IMMT: variants seen among roughly 807,000 people sequenced by gnomAD.
IMMT encodes the protein MICOS complex subunit MIC60.
Under a neutral mutation model 92.7 loss-of-function variants are expected in IMMT, and 40 were observed. The observed-to-expected ratio is 0.43, with a 90% CI of 0.34 to 0.56. The LOEUF (loss-of-function observed/expected upper bound fraction) is 0.56, where lower values mean the gene tolerates loss of function less well. Among genes scored for constraint, IMMT ranks in the 20% least tolerant of loss-of-function variants. The probability of loss-of-function intolerance (pLI) is 0.03; values close to 1 mark genes in which losing one functional copy is unlikely to be tolerated. For synonymous variants in IMMT, 322 were observed against 336.1 expected (o/e 0.96, Z 0.46); for missense variants, 831 against 912.1 (o/e 0.91, Z 1.14).
At chr2:86,173,820 GT>G in intron 3 of IMMT, 59 bp from the exon 4 acceptor site, 1 of 853,638 alleles carries the variant, frequency 1.2e-6, no homozygotes, top group Admixed American at 2.7e-5. Context: ...AAAAGGTACA[GT>G]GATTTGCAGT....
intron 5 of IMMT, 131 bp from the exon 6 acceptor site, chr2:86,170,975 TA>T: frequency 1.4e-6 from 1 of 730,564 alleles, no homozygotes; most frequent in Non-Finnish European, 2.2e-6. Context: ...TTAAGAATTC[TA>T]AAACCATATC....
chr2:86,172,020 T>C (rs562975479), intron 4 of IMMT, among the ~76,000 whole-genome samples: 38 of 146,232 alleles, frequency 2.6e-4, no homozygotes, highest in Non-Finnish European at 5.2e-4. Context: ...GGCTGGAGAA[T>C]AGTGGCACTA....
In IMMT at chr2:86,171,471, G is replaced by A. The variant is rs914760617; in HGVS notation, c.422-126C>T. 22 of 830,906 alleles carry A rather than the reference G, an allele frequency of 2.6e-5. No individual in the cohort carries two copies. In the African/African-American group the frequency reaches 3.0e-4, roughly 12 times the overall value. 51.5% of individuals were successfully genotyped at this position (830,906 alleles called of 1,614,324 possible). On this transcript the variant is annotated intron_variant, in intron 4 of 14. Coordinates refer to ENST00000410111, the MANE Select transcript of IMMT (RefSeq NM_006839.3). Reference sequence around the variant, plus strand: ...CCTTAGAGACACAAATATTTGTACTGCCACATGTTTGAATAACACACAAAC... The same window carrying A: ...CCTTAGAGACACAAATATTTGTACTACCACATGTTTGAATAACACACAAAC...
chr2:86,176,105 A>C (rs904228115), intron 3 of IMMT, among the ~76,000 whole-genome samples: 2 of 152,224 alleles, frequency 1.3e-5, no homozygotes, highest in African/African-American at 4.8e-5. Flanking sequence ...TGCCAAGGGT[A>C]TTGAATGTCA....
intron 1 of IMMT, among the ~76,000 whole-genome samples, chr2:86,189,395 C>T (rs767913112): frequency 6.6e-6 from 1 of 152,026 alleles, no homozygotes; most frequent in African/African-American, 2.4e-5. Flanking sequence ...CCACCACACC[C>T]GGCTAATTTT....
chr2:86,180,008 T>G (rs1202755170), intron 2 of IMMT, among the ~76,000 whole-genome samples: 2 of 151,936 alleles, frequency 1.3e-5, no homozygotes, highest in East Asian at 1.9e-4. Flanking sequence ...GACTGGGAGA[T>G]GAAGGCTGCT....
intron 11 of IMMT, 126 bp from the exon 12 acceptor site, chr2:86,151,646 A>G (rs1675476526): frequency 1.4e-6 from 1 of 712,292 alleles, no homozygotes; most frequent in Admixed American, 2.5e-5. Context: ...CTAACATGAA[A>G]AGAGATTTAG....
chr2:86,159,217 C>CT, intron 9 of IMMT: 1 of 364,220 alleles, frequency 2.7e-6, no homozygotes, highest in African/African-American at 2.1e-5. Context: ...TCCTGAGTAG[C>CT]TAGGACTACA....
intron 7 of IMMT, among the ~76,000 whole-genome samples, chr2:86,165,147 A>C (rs143173064): frequency 7.2e-4 from 109 of 152,332 alleles, no homozygotes; most frequent in East Asian, 5.4e-3. Context: ...CATGTGCTAC[A>C]CATTATGTGC....
chr2:86,146,962 T>A (rs918220975), intron 13 of IMMT, among the ~76,000 whole-genome samples: 1 of 152,042 alleles, frequency 6.6e-6, no homozygotes, highest in African/African-American at 2.4e-5. Context: ...GGTTTCGCCA[T>A]GTTGGGCAGG....
chr2:86,189,156 T>C (rs1364842703), intron 1 of IMMT, among the ~76,000 whole-genome samples: 1 of 152,158 alleles, frequency 6.6e-6, no homozygotes, highest in Admixed American at 6.5e-5. Flanking sequence ...TCTAGACATA[T>C]GTTATAAGGT....
intron 7 of IMMT, among the ~76,000 whole-genome samples, chr2:86,163,645 A>G (rs1458722178): frequency 6.6e-6 from 1 of 152,172 alleles, no homozygotes; most frequent in Non-Finnish European, 1.5e-5. Flanking sequence ...CCATACATTT[A>G]GAAGAAATAT....
intron 12 of IMMT, 47 bp from the exon 13 acceptor site, chr2:86,147,880 T>A: frequency 6.3e-7 from 1 of 1,585,752 alleles, no homozygotes; most frequent in Non-Finnish European, 8.6e-7. Context: ...TCTCCACATA[T>A]ACTTTTAGGA....
At chr2:86,158,536 T>A in intron 10 of IMMT, 56 bp downstream of exon 10, 1 of 1,433,080 alleles carries the variant, frequency 7.0e-7, no homozygotes, top group South Asian at 1.3e-5. Context: ...CAAGTTTAGA[T>A]TCATTGATTA....
At chr2:86,152,759 C>CAA (rs398104518) in intron 11 of IMMT, among the ~76,000 whole-genome samples, 73 of 148,308 alleles carry the variant, frequency 4.9e-4, no homozygotes, top group Middle Eastern at 3.5e-3. Flanking sequence ...GACCTTGTCT[C>CAA]AAAAAAAAAA....
Position 86,144,287 on chromosome 2 carries a change from G to A in IMMT, c.2258C>T (p.Thr753Ile). The A allele has an allele frequency of 6.2e-7, 1 of 1,613,930 alleles. No homozygotes were observed. The highest frequency in any genetic ancestry group is 8.5e-7 in the Non-Finnish European group (1 of 1,179,874). The change falls in exon 15 of 15, where the codon ACT becomes ATT. Residue 753 changes from threonine (T) to isoleucine (I), a missense_variant. Transcript: ENST00000410111. ...TAAACCTCACTCTGGCTGCACCTGA[G>A]TGGTTCCTATTCCTACGGCGCTGGC... ...AYASAVGIGT[T>I]QVQPE
At chr2:86,187,209 C>G (rs1235315421) in intron 1 of IMMT, among the ~76,000 whole-genome samples, 2 of 152,084 alleles carry the variant, frequency 1.3e-5, no homozygotes, top group Non-Finnish European at 2.9e-5. Flanking sequence ...AGTCATCCCC[C>G]ATTTTCCTCT....
intron 1 of IMMT, among the ~76,000 whole-genome samples, chr2:86,184,814 T>C (rs1672649767): frequency 6.6e-6 from 1 of 152,112 alleles, no homozygotes; most frequent in Admixed American, 6.5e-5. Flanking sequence ...ATCAAAACTG[T>C]CATCTGTAAT....
At chr2:86,173,517 C>G in intron 4 of IMMT, 133 bp downstream of exon 4, 3 of 605,636 alleles carry the variant, frequency 5.0e-6, no homozygotes, top group Non-Finnish European at 8.9e-6. Context: ...GAGGTGGAGG[C>G]TGCGGTGAGC....
Sources: allele counts gnomAD v4.1 joint callset (sites outside exome capture counted in the v4.1 genomes callset), GRCh38; gene constraint gnomAD v4.1.1; transcripts MANE v1.5; gene names NCBI Gene and HGNC (gene_info 2026-07-23, HGNC 2026-07-21).